Variants in ATXN7 observed in about 807,000 individuals in gnomAD.
ATXN7 encodes the protein ataxin-7.
Under a neutral mutation model 70.5 loss-of-function variants are expected in ATXN7, and 12 were observed. That is an observed-to-expected ratio of 0.17 (90% CI 0.11 to 0.28). The LOEUF (loss-of-function observed/expected upper bound fraction) is 0.28. Ranked by LOEUF, ATXN7 falls within the 10% of genes least tolerant of loss-of-function variation. The pLI is 1.00. For missense variants in ATXN7, 1,256 were observed against 1,131.7 expected (o/e 1.11, Z -1.58); for synonymous variants, 498 against 448.7 (o/e 1.11, Z -1.39).
intron 8 of ATXN7, among the ~76,000 whole-genome samples, chr3:63,983,702 TC>T (rs2075526669): frequency 6.6e-6 from 1 of 152,192 alleles, no homozygotes; most frequent in Non-Finnish European, 1.5e-5. Context: ...TCTGGGGTCT[TC>T]CTTCTTTTAA....
chr3:63,928,890 T>G (rs1290078002), intron 4 of ATXN7, among the ~76,000 whole-genome samples: 1 of 152,202 alleles, frequency 6.6e-6, no homozygotes, highest in Non-Finnish European at 1.5e-5. Flanking sequence ...GTTAATGTTT[T>G]AGATAATAGC....
Position 63,996,279 on chromosome 3 carries a change from C to CG in ATXN7, c.2459dup (p.Ser821GlnfsTer104), listed in dbSNP as rs2075757773. 1 of 1,614,156 alleles carries CG rather than the reference C, an allele frequency of 6.2e-7. No homozygotes were observed. Among genetic ancestry groups the CG allele is most frequent in the Non-Finnish European group, 8.5e-7 (1 of 1,180,032 alleles). On this transcript the variant is annotated frameshift_variant, in exon 12 of 13. Transcript: ENST00000674280. LOFTEE classifies it high-confidence loss of function. Reference sequence around the variant, plus strand: ...CCAATGAACTGCCTGTCAACTCCCACGGCAGTTTTTCCCACTCACACACTC... The same window carrying CG: ...CCAATGAACTGCCTGTCAACTCCCACGGGCAGTTTTTCCCACTCACACACTC...
intron 2 of ATXN7, among the ~76,000 whole-genome samples, chr3:63,910,862 G>GT (rs1407291754): frequency 6.6e-6 from 1 of 152,032 alleles, no homozygotes; most frequent in Non-Finnish European, 1.5e-5. Flanking sequence ...GTATGTGTGT[G>GT]TGTGTGCGCT....
intron 8 of ATXN7, among the ~76,000 whole-genome samples, chr3:63,983,852 AC>A (rs1277632904): frequency 1.3e-5 from 2 of 151,922 alleles, no homozygotes; most frequent in African/African-American, 4.8e-5. Context: ...GTCCCCAGCT[AC>A]CCCCCAGATA....
intron 5 of ATXN7, among the ~76,000 whole-genome samples, chr3:63,974,966 G>A (rs1189304645): frequency 6.6e-6 from 1 of 152,196 alleles, no homozygotes; most frequent in Non-Finnish European, 1.5e-5. Context: ...GTGAACTGAG[G>A]TAGATGGTAG....
At position 63,980,398 on chromosome 3, in the gene ATXN7, T is replaced by G. The variant is rs570270458; in HGVS notation, c.752+231T>G. On this transcript the variant is annotated intron_variant, in intron 6 of 12. Coordinates refer to ENST00000674280, the MANE Select transcript of ATXN7 (RefSeq NM_001377405.1). ...TAACATTTATTGATCCATTCTTGTGTGCTAGCTACTGAAACCTAACTCTAT... is the reference window on the plus strand; with the variant it reads ...TAACATTTATTGATCCATTCTTGTGGGCTAGCTACTGAAACCTAACTCTAT... 30 of 582,762 alleles carry G rather than the reference T, an allele frequency of 5.1e-5. No homozygotes were observed. The South Asian group carries it at 6.3e-4, about 12-fold the overall frequency. 36.1% of individuals were successfully genotyped at this position (582,762 alleles called of 1,614,324 possible). A position where few individuals can be genotyped will look rare whatever the true frequency, so the allele number is the denominator to read the frequency against.
chr3:63,881,747 C>T (rs1029044549), intron 1 of ATXN7, among the ~76,000 whole-genome samples: 5 of 152,186 alleles, frequency 3.3e-5, no homozygotes, highest in African/African-American at 1.2e-4. Context: ...CTTGGCGTCC[C>T]AGAGTGTTGG....
intron 4 of ATXN7, among the ~76,000 whole-genome samples, chr3:63,932,641 G>A (rs1199933373): frequency 6.6e-6 from 1 of 152,152 alleles, no homozygotes; most frequent in African/African-American, 2.4e-5. Flanking sequence ...AAACTCCTTG[G>A]CTTTTTCACA....
At position 63,999,431 on chromosome 3, in the gene ATXN7, A is replaced by AC. The variant is rs34993312; in HGVS notation, c.2662-14dup. On this transcript the variant is annotated intron_variant, in intron 12 of 12. Coordinates refer to ENST00000674280, the MANE Select transcript of ATXN7 (RefSeq NM_001377405.1). ...TTACTTACCATTTCATTATTTCCCC[A>AC]CCCCCTCTTTTTTGAAAGCCAAAGG... The AC allele has an allele frequency of 1.3e-6, 2 of 1,595,458 alleles. No individual in the cohort carries two copies. The highest frequency in any genetic ancestry group is 8.6e-7 in the Non-Finnish European group (1 of 1,163,734).
At position 63,907,838 on chromosome 3, in the gene ATXN7, A is replaced by C. The variant is rs558441544; in HGVS notation, c.-11-4750A>C. On this transcript the variant is annotated intron_variant, in intron 2 of 12. Transcript: ENST00000674280. ...ATCAACATTTCAAATCAAGTTCGTC[A>C]TAAAATTACAAGCCAGTTTTAAATC... Among the ~76,000 whole-genome samples, 52 of 152,294 alleles carry C rather than the reference A, an allele frequency of 3.4e-4. 2 individuals carry two copies. The East Asian group carries it at 8.9e-3, about 26-fold the overall frequency.
chr3:63,940,415 C>T (rs1199258925), intron 4 of ATXN7, among the ~76,000 whole-genome samples: 1 of 151,908 alleles, frequency 6.6e-6, no homozygotes, highest in Admixed American at 6.6e-5. Context: ...GTAGCCAATG[C>T]CATTTCATAA....
In ATXN7 at chr3:63,939,792, A is replaced by T. The variant is rs571638594; in HGVS notation, c.395-12587A>T. Among the ~76,000 whole-genome samples, 7 of 152,286 alleles carry T rather than the reference A, an allele frequency of 4.6e-5. No individual in the cohort carries two copies. In the South Asian group the frequency reaches 1.5e-3, roughly 32 times the overall value. On this transcript the variant is annotated intron_variant, in intron 4 of 12. Coordinates refer to ENST00000674280, the MANE Select transcript of ATXN7 (RefSeq NM_001377405.1). ...CACAACTAGGGTAGCCGTGAAAGCC[A>T]GCAGTCTAGCAGCCACTGGAGGGGA...
chr3:63,898,578 A>G (rs913148484), intron 2 of ATXN7, 81 bp downstream of exon 2: 5 of 152,256 alleles, frequency 3.3e-5, no homozygotes, highest in African/African-American at 1.2e-4. Context: ...GTTTTACCAA[A>G]GGATGATAGT....
intron 10 of ATXN7, 174 bp from the exon 11 acceptor site, chr3:63,990,564 T>A (rs1279813100): frequency 8.1e-7 from 1 of 1,241,928 alleles, no homozygotes; most frequent in Non-Finnish European, 1.1e-6. Flanking sequence ...CTTTTTTCCC[T>A]TTCTCTTCCA....
At position 63,958,628 on chromosome 3, in the gene ATXN7, T is replaced by G. The variant is rs574303181; in HGVS notation, c.499+6145T>G. Among the ~76,000 whole-genome samples the G allele has an allele frequency of 1.5e-3, 233 of 152,342 alleles. 1 individual carries two copies. Among genetic ancestry groups the G allele is most frequent in the Non-Finnish European group, 2.9e-3 (199 of 68,016 alleles). Reference sequence around the variant, plus strand: ...AGATAGTTTTTAACATGTCATTTTATTTAGCTCATAACTGTTTTTGATAAA... The same window carrying G: ...AGATAGTTTTTAACATGTCATTTTAGTTAGCTCATAACTGTTTTTGATAAA... On this transcript the variant is annotated intron_variant, in intron 5 of 12. Transcript: ENST00000674280.
intron 8 of ATXN7, among the ~76,000 whole-genome samples, chr3:63,985,059 T>A (rs552490564): frequency 1.3e-5 from 2 of 152,370 alleles, no homozygotes; most frequent in African/African-American, 2.4e-5. Flanking sequence ...TGTTTCTACA[T>A]CTTGTCTATT....
At chr3:63,998,501 A>T (rs1303848605) in intron 12 of ATXN7, 1 of 985,272 alleles carries the variant, frequency 1.0e-6, no homozygotes, top group Non-Finnish European at 1.2e-6. Context: ...TAGTGGCACT[A>T]TGTCTTACTA....
intron 4 of ATXN7, among the ~76,000 whole-genome samples, chr3:63,927,386 G>GA (rs1208255755): frequency 6.6e-6 from 1 of 152,194 alleles, no homozygotes; most frequent in Non-Finnish European, 1.5e-5. Context: ...ATTATCATGA[G>GA]AAGTGTTTAC....
intron 11 of ATXN7, among the ~76,000 whole-genome samples, chr3:63,992,504 A>G (rs1020480626): frequency 6.6e-6 from 1 of 152,082 alleles, no homozygotes; most frequent in Non-Finnish European, 1.5e-5. Flanking sequence ...GGTTTAATGT[A>G]CTCCTAAGAG....
Sources: allele counts gnomAD v4.1 joint callset (sites outside exome capture counted in the v4.1 genomes callset), GRCh38; gene constraint gnomAD v4.1.1; transcripts MANE v1.5; gene names NCBI Gene and HGNC (gene_info 2026-07-23, HGNC 2026-07-21).